NRCAM: variants seen among roughly 807,000 people sequenced by gnomAD.
The protein encoded by NRCAM is neuronal cell adhesion molecule.
In NRCAM, 83 loss-of-function variants were observed where a neutral mutation model predicts 156.5. That is an observed-to-expected ratio of 0.53 (90% CI 0.44 to 0.64). The LOEUF (loss-of-function observed/expected upper bound fraction) is 0.64, where lower values mean the gene tolerates loss of function less well. Among genes scored for constraint, NRCAM ranks in the 30% least tolerant of loss-of-function variants. The pLI is 0.00. For synonymous variants in NRCAM, 538 were observed against 563.9 expected (o/e 0.95, Z 0.65); for missense variants, 1,417 against 1,597.3 (o/e 0.89, Z 1.92).
At chr7:108,323,734 T>C (rs12671060) in intron 2 of NRCAM, among the ~76,000 whole-genome samples, 40,994 of 151,986 alleles carry the variant, frequency 0.27, 6,444 homozygotes, top group East Asian at 0.56. Context: ...TTAAAATAAG[T>C]AAACAAATAT....
At chr7:108,175,191 G>T in intron 28 of NRCAM, 131 bp downstream of exon 28, 1 of 648,180 alleles carries the variant, frequency 1.5e-6, no homozygotes. Flanking sequence ...TTAAAGCCAA[G>T]ATTGGATGAG....
intron 3 of NRCAM, among the ~76,000 whole-genome samples, chr7:108,307,244 G>C (rs1349470879): frequency 6.6e-6 from 1 of 152,208 alleles, no homozygotes; most frequent in Non-Finnish European, 1.5e-5. Flanking sequence ...CTCAGGTGCA[G>C]TGGCGGCTTA....
chr7:108,194,500 T>A (rs1297873233), intron 15 of NRCAM, 72 bp from the exon 16 acceptor site: 1 of 1,047,710 alleles, frequency 9.5e-7, no homozygotes, highest in Non-Finnish European at 1.4e-6. Context: ...AAATGCCATG[T>A]TCAAGGTCAA....
chr7:108,194,281 T>G lies in NRCAM; in HGVS notation c.1611A>C (p.Glu537Asp). 1 of 1,612,322 alleles carries G rather than the reference T, an allele frequency of 6.2e-7. No homozygotes were observed. The highest frequency in any genetic ancestry group is 2.2e-5 in the East Asian group (1 of 44,850). Residue 537 changes from glutamate (E) to aspartate (D), a missense_variant, in exon 16 of 33, where the codon GAA (glutamate) becomes GAC (aspartate). By Grantham distance (45) the Glu-to-Asp change is conservative. Around this residue, in one of 2 missense-constraint regions of NRCAM, gnomAD observed 1,238 missense variants for 1,336.4 expected, o/e 0.93. Transcript: ENST00000379028. ...ARNKLGMAKN[E>D]VHLEIKDPTW... ...CCTTACCTTTGATTTCTAAGTGAAC[T>G]TCATTCTTCGCCATCCCTAATTTAT...
chr7:108,151,126 AAG>A (rs2041313439), intron 32 of NRCAM, among the ~76,000 whole-genome samples: 1 of 152,168 alleles, frequency 6.6e-6, no homozygotes, highest in Non-Finnish European at 1.5e-5. Flanking sequence ...CTGGAAGACA[AAG>A]AGTAATCATT....
chr7:108,235,555 A>C (rs1332828173), intron 5 of NRCAM, among the ~76,000 whole-genome samples: 1 of 152,164 alleles, frequency 6.6e-6, no homozygotes, highest in Non-Finnish European at 1.5e-5. Flanking sequence ...AGGAAGGCAC[A>C]AAGCAGAGAC....
intron 28 of NRCAM, among the ~76,000 whole-genome samples, chr7:108,172,912 C>G (rs1172284521): frequency 1.3e-5 from 2 of 151,572 alleles, no homozygotes; most frequent in Non-Finnish European, 2.9e-5. Flanking sequence ...CTTTTCCCCT[C>G]TTTGACCAGA....
chr7:108,455,092 C>A (rs1855187071), intron 1 of NRCAM, among the ~76,000 whole-genome samples: 2 of 152,134 alleles, frequency 1.3e-5, no homozygotes, highest in African/African-American at 4.8e-5. Context: ...GGGAAGGAAG[C>A]GGCCTGTTCG....
intron 1 of NRCAM, among the ~76,000 whole-genome samples, chr7:108,447,237 G>A (rs976283940): frequency 2.7e-5 from 4 of 149,720 alleles, no homozygotes; most frequent in African/African-American, 9.8e-5. Flanking sequence ...ACCCCATATG[G>A]GTTTGCCAAG....
intron 3 of NRCAM, among the ~76,000 whole-genome samples, chr7:108,258,700 C>A (rs1407156121): frequency 1.3e-5 from 2 of 152,186 alleles, no homozygotes; most frequent in Non-Finnish European, 2.9e-5. Flanking sequence ...ACCTCCGGGG[C>A]TGTTGAGATA....
chr7:108,349,237 T>C (rs1397562840), intron 2 of NRCAM, among the ~76,000 whole-genome samples: 1 of 152,098 alleles, frequency 6.6e-6, no homozygotes, highest in Admixed American at 6.5e-5. Flanking sequence ...GTCACTATTC[T>C]TGTTACTGCT....
chr7:108,413,478 C>T (rs1050913249), intron 1 of NRCAM, among the ~76,000 whole-genome samples: 7 of 152,208 alleles, frequency 4.6e-5, no homozygotes, highest in African/African-American at 1.7e-4. Flanking sequence ...TCCAAATAAC[C>T]CTTTCCTCTT....
At chr7:108,260,222 G>A (rs191764856) in intron 3 of NRCAM, among the ~76,000 whole-genome samples, 9 of 152,182 alleles carry the variant, frequency 5.9e-5, no homozygotes, top group African/African-American at 1.2e-4. Flanking sequence ...ATTTCCTGAC[G>A]TCCAAGAAAG....
intron 30 of NRCAM, among the ~76,000 whole-genome samples, chr7:108,165,696 T>A (rs934799886): frequency 7.9e-5 from 12 of 152,248 alleles, no homozygotes; most frequent in African/African-American, 2.9e-4. Flanking sequence ...AGCAAATGAA[T>A]ATCTTTAAAA....
At chr7:108,295,932 G>A (rs966724050) in intron 3 of NRCAM, among the ~76,000 whole-genome samples, 2 of 152,190 alleles carry the variant, frequency 1.3e-5, no homozygotes, top group Admixed American at 1.3e-4. Flanking sequence ...CCTCTGCTTT[G>A]TATATGGGGG....
intron 1 of NRCAM, among the ~76,000 whole-genome samples, chr7:108,442,135 G>A (rs933087326): frequency 2.0e-5 from 3 of 152,160 alleles, no homozygotes; most frequent in Admixed American, 1.3e-4. Flanking sequence ...GGGATCAGTA[G>A]GCTCAGCCCC....
chr7:108,358,677 G>C (rs1435577019), intron 2 of NRCAM, among the ~76,000 whole-genome samples: 1 of 152,170 alleles, frequency 6.6e-6, no homozygotes, highest in Non-Finnish European at 1.5e-5. Flanking sequence ...GCGCTCTGCT[G>C]CTTCAGCCCC....
chr7:108,382,374 TCACTTGAGTTCAGGAGTTTGAGACCAG>T (rs1232005090), intron 2 of NRCAM, among the ~76,000 whole-genome samples: 1 of 152,072 alleles, frequency 6.6e-6, no homozygotes, highest in Non-Finnish European at 1.5e-5. Context: ...CGCAGGAGGA[TCACTTGAGTTCAGGAGTTTGAGACCAG>T]CCTGGGGAAC....
At chr7:108,156,508 T>G in intron 32 of NRCAM, 1 of 723,266 alleles carries the variant, frequency 1.4e-6, no homozygotes, top group Non-Finnish European at 1.7e-6. Flanking sequence ...GGTAACTGCT[T>G]GGGGGTGGGT....
Sources: allele counts gnomAD v4.1 joint callset (sites outside exome capture counted in the v4.1 genomes callset), GRCh38; gene constraint gnomAD v4.1.1; regional missense constraint gnomAD v4.1.1; transcripts MANE v1.5; gene names NCBI Gene and HGNC (gene_info 2026-07-23, HGNC 2026-07-21).